The following AGBL4 variants were observed in gnomAD, a reference collection of about 807,000 sequenced individuals.
AGBL4 encodes cytosolic carboxypeptidase 6.
A neutral mutation model predicts 66.4 loss-of-function variants in AGBL4; 58 were observed. That is an observed-to-expected ratio of 0.87 (90% confidence interval 0.71 to 1.09). The LOEUF (loss-of-function observed/expected upper bound fraction) is 1.09, where lower values mean the gene tolerates loss of function less well. Among genes scored for constraint, AGBL4 ranks in the 50% least tolerant of loss-of-function variants. The pLI is 0.00. For missense variants in AGBL4, 579 were observed against 631.0 expected, an observed-to-expected ratio of 0.92 and a Z score of 0.88; for synonymous variants, 234 against 222.9, an observed-to-expected ratio of 1.05 and a Z score of -0.44.
At chr1:49,347,777 T>C (rs2148514964) in intron 3 of AGBL4, among the ~76,000 whole-genome samples, 1 of 151,508 alleles carries the variant, frequency 6.6e-6, no homozygotes, top group Non-Finnish European at 1.5e-5. Flanking sequence ...GGAGAATCGC[T>C]TGAACCCGGG....
chr1:48,897,360 C>T (rs1651619918), intron 5 of AGBL4, among the ~76,000 whole-genome samples: 1 of 152,170 alleles, frequency 6.6e-6, no homozygotes, highest in African/African-American at 2.4e-5. Flanking sequence ...ATATGTACCA[C>T]ACTTTATCCA....
chr1:49,032,157 G>A (rs1664282164), intron 5 of AGBL4, among the ~76,000 whole-genome samples: 1 of 152,182 alleles, frequency 6.6e-6, no homozygotes, highest in Non-Finnish European at 1.5e-5. Context: ...GGCAGCAAGG[G>A]AAGTGGGATA....
intron 1 of AGBL4, among the ~76,000 whole-genome samples, chr1:49,926,081 G>T (rs2148251758): frequency 6.6e-6 from 1 of 152,340 alleles, no homozygotes; most frequent in African/African-American, 2.4e-5. Context: ...AAGACTCAGG[G>T]CTATGCTGGC....
chr1:49,857,774 T>G (rs960338886), intron 1 of AGBL4, among the ~76,000 whole-genome samples: 2 of 152,016 alleles, frequency 1.3e-5, no homozygotes, highest in African/African-American at 2.4e-5. Flanking sequence ...ATAAAACTAT[T>G]AGAAGAAACA....
chr1:49,127,646 C>A (rs1645793281), intron 4 of AGBL4, among the ~76,000 whole-genome samples: 1 of 151,990 alleles, frequency 6.6e-6, no homozygotes, highest in Admixed American at 6.6e-5. Context: ...TGAACAACTC[C>A]TAGAGATAAC....
intron 11 of AGBL4, among the ~76,000 whole-genome samples, chr1:48,573,108 T>C (rs1210815161): frequency 6.6e-6 from 1 of 152,204 alleles, no homozygotes; most frequent in African/African-American, 2.4e-5. Flanking sequence ...CCCTTCCCTA[T>C]TCTAGATCTT....
At chr1:49,257,788 G>A (rs1055746761) in intron 3 of AGBL4, among the ~76,000 whole-genome samples, 13 of 152,188 alleles carry the variant, frequency 8.5e-5, no homozygotes, top group African/African-American at 9.6e-5. Context: ...GTAGACCAGA[G>A]CTGTTCCTAT....
intron 4 of AGBL4, among the ~76,000 whole-genome samples, chr1:49,053,990 A>G (rs1644265916): frequency 6.6e-6 from 1 of 152,162 alleles, no homozygotes; most frequent in Admixed American, 6.6e-5. Flanking sequence ...TTACACATGT[A>G]AAAGCAGAAG....
chr1:48,832,524 C>G (rs552972944), intron 6 of AGBL4, among the ~76,000 whole-genome samples: 3 of 152,246 alleles, frequency 2.0e-5, no homozygotes, highest in South Asian at 4.1e-4. Flanking sequence ...ATTCTTGCCC[C>G]TCTTGTGGGT....
chr1:49,742,385 C>G (rs974583662), intron 2 of AGBL4, among the ~76,000 whole-genome samples: 1 of 152,268 alleles, frequency 6.6e-6, no homozygotes, highest in Middle Eastern at 3.4e-3. Context: ...CAAACCACTG[C>G]TCAACGAAAT....
intron 4 of AGBL4, among the ~76,000 whole-genome samples, chr1:49,239,598 C>A (rs1651051931): frequency 6.6e-6 from 1 of 151,868 alleles, no homozygotes; most frequent in South Asian, 2.1e-4. Flanking sequence ...CAAATGAGTA[C>A]ATACATTTAG....
At chr1:48,962,631 A>C (rs12097797) in intron 5 of AGBL4, among the ~76,000 whole-genome samples, 22,533 of 152,128 alleles carry the variant, frequency 0.15, 3,087 homozygotes, top group African/African-American at 0.36. Flanking sequence ...GACCTGGATT[A>C]TTCGGGCCTT....
At chr1:49,233,312 G>T (rs1650470888) in intron 4 of AGBL4, among the ~76,000 whole-genome samples, 1 of 152,166 alleles carries the variant, frequency 6.6e-6, no homozygotes, top group South Asian at 2.1e-4. Context: ...ATGCTTAAAA[G>T]TTAACTACTA....
At chr1:48,580,187 G>A (rs1340813755) in intron 11 of AGBL4, among the ~76,000 whole-genome samples, 5 of 152,186 alleles carry the variant, frequency 3.3e-5, no homozygotes, top group African/African-American at 1.2e-4. Context: ...AGAGGCTTAG[G>A]AAGGAACCAT....
chr1:49,129,636 C>T (rs1284812869), intron 4 of AGBL4, among the ~76,000 whole-genome samples: 1 of 152,030 alleles, frequency 6.6e-6, no homozygotes, highest in African/African-American at 2.4e-5. Flanking sequence ...CTACAAAGGA[C>T]ATGAACTCAT....
At chr1:49,329,305 T>TCAAAA (rs1246070110) in intron 3 of AGBL4, among the ~76,000 whole-genome samples, 2 of 151,866 alleles carry the variant, frequency 1.3e-5, no homozygotes, top group East Asian at 2.0e-4. Flanking sequence ...AGATTCCGTC[T>TCAAAA]CAAAACAAAA....
rs1321040699 is a variant in AGBL4, at chr1:49,488,034, ATTG to A, written c.282+209276_282+209278del. Among the ~76,000 whole-genome samples the A allele has an allele frequency of 2.6e-5, 4 of 151,980 alleles. No individual in the cohort carries two copies. In the South Asian group the frequency reaches 8.3e-4, roughly 31 times the overall value. ...ACTTCTGTAAACCTCCACAGCAGGA[ATTG>A]TTATTTTCAAATATCTGAAATATTA... On this transcript the variant is annotated intron_variant, in intron 3 of 13. Coordinates refer to ENST00000371839, the MANE Select transcript of AGBL4 (RefSeq NM_032785.4).
chr1:49,157,516 A>G (rs1286822978), intron 4 of AGBL4, among the ~76,000 whole-genome samples: 5 of 152,110 alleles, frequency 3.3e-5, no homozygotes, highest in African/African-American at 9.7e-5. Context: ...AGGGTTTGCT[A>G]TTGTGAACAG....
intron 11 of AGBL4, among the ~76,000 whole-genome samples, chr1:48,573,005 T>A (rs987449658): frequency 1.3e-5 from 2 of 152,164 alleles, no homozygotes; most frequent in East Asian, 1.9e-4. Context: ...CTGATGCACA[T>A]CCCTACTAAC....
Sources: allele counts gnomAD v4.1 joint callset (sites outside exome capture counted in the v4.1 genomes callset), GRCh38; gene constraint gnomAD v4.1.1; transcripts MANE v1.5; gene names NCBI Gene and HGNC (gene_info 2026-07-23, HGNC 2026-07-21).